Variants in HINT1 observed in about 807,000 individuals in gnomAD.
HINT1 encodes the protein histidine triad nucleotide binding protein 1.
HINT1 carries 12 observed loss-of-function variants against 11.2 expected under a neutral mutation model. The ratio of observed to expected loss-of-function variants is 1.07; its 90% CI spans 0.69 to 1.74. The LOEUF (loss-of-function observed/expected upper bound fraction) is 1.74. Among genes scored for constraint, HINT1 ranks in the 40% most tolerant of loss-of-function variants. The pLI is 0.00. For missense variants in HINT1, 150 were observed against 161.8 expected, an observed-to-expected ratio of 0.93 and a Z score of 0.40; for synonymous variants, 42 against 52.6, an observed-to-expected ratio of 0.80 and a Z score of 0.87.
At chr5:131,163,581 C>A (rs1755310487) in intron 1 of HINT1, among the ~76,000 whole-genome samples, 1 of 151,790 alleles carries the variant, frequency 6.6e-6, no homozygotes, top group African/African-American at 2.4e-5. Context: ...TGTGCAATTT[C>A]CTGGTTTTTT....
At chr5:131,164,658 T>G (rs1222449979) in intron 1 of HINT1, among the ~76,000 whole-genome samples, 3 of 152,110 alleles carry the variant, frequency 2.0e-5, no homozygotes, top group Admixed American at 1.3e-4. Context: ...AGGCCGGCTG[T>G]GCGCGGGAGA....
At chr5:131,161,527 A>C (rs1755247143) in intron 2 of HINT1, among the ~76,000 whole-genome samples, 1 of 151,486 alleles carries the variant, frequency 6.6e-6, no homozygotes, top group Non-Finnish European at 1.5e-5. Context: ...CCCAGGAGGC[A>C]GAGGTTGCGG....
At chr5:131,163,057 G>A (rs1012569356) in intron 1 of HINT1, among the ~76,000 whole-genome samples, 5 of 151,830 alleles carry the variant, frequency 3.3e-5, no homozygotes, top group African/African-American at 1.2e-4. Flanking sequence ...GGCTGGTCTC[G>A]AACTCCTGAC....
intron 1 of HINT1, among the ~76,000 whole-genome samples, chr5:131,163,771 A>G (rs545042076): frequency 1.3e-5 from 2 of 152,330 alleles, no homozygotes; most frequent in East Asian, 3.9e-4. Context: ...GTGTCTGTAA[A>G]TACACATATG....
At chr5:131,162,477 C>T in intron 2 of HINT1, 95 bp downstream of exon 2, 2 of 1,571,396 alleles carry the variant, frequency 1.3e-6, no homozygotes, top group Non-Finnish European at 1.7e-6. Flanking sequence ...TTAGTAATGA[C>T]CTTAGGAAGA....
intron 2 of HINT1, chr5:131,160,672 G>C: frequency 1.7e-6 from 2 of 1,203,060 alleles, no homozygotes; most frequent in Non-Finnish European, 2.1e-6. Flanking sequence ...CATGCAGTAA[G>C]GTCCATTGTA....
intron 2 of HINT1, among the ~76,000 whole-genome samples, chr5:131,161,856 T>C (rs1386390573): frequency 6.6e-6 from 1 of 152,190 alleles, no homozygotes; most frequent in Non-Finnish European, 1.5e-5. Flanking sequence ...CAAATTTTCT[T>C]CTGCCTCTGC....
At chr5:131,162,510 G>A (rs1380395584) in intron 2 of HINT1, 62 bp downstream of exon 2, 2 of 1,605,234 alleles carry the variant, frequency 1.2e-6, no homozygotes, top group Non-Finnish European at 8.5e-7. Context: ...AGCACTTTAA[G>A]GACAAAATTA....
chr5:131,159,354 T>A lies in HINT1; in HGVS notation c.*93A>T, dbSNP rs181192093. 4 of 1,135,248 alleles carry A rather than the reference T, an allele frequency of 3.5e-6. No homozygotes were observed. The highest frequency in any genetic ancestry group is 3.0e-4 in the Middle Eastern group (1 of 3,284). The allele number at this position is 1,135,248 out of a possible 1,614,324, so 70.3% of individuals were successfully genotyped here. A position where few individuals can be genotyped will look rare whatever the true frequency, so the allele number is the denominator to read the frequency against. On this transcript the variant is annotated 3_prime_UTR_variant, in exon 3 of 3. Transcript: ENST00000304043. Reference sequence around the variant, plus strand: ...TAAAATTATTTCTTGAATCTCTCCATACACAGGCAAAAATAAGTGTGTTAC... The same window carrying A: ...TAAAATTATTTCTTGAATCTCTCCAAACACAGGCAAAAATAAGTGTGTTAC...
At chr5:131,160,262 A>G (rs1366603523) in intron 2 of HINT1, among the ~76,000 whole-genome samples, 3 of 152,120 alleles carry the variant, frequency 2.0e-5, no homozygotes, top group African/African-American at 4.8e-5. Flanking sequence ...TTTCCTTTGA[A>G]CACTACCAGA....
intron 1 of HINT1, among the ~76,000 whole-genome samples, chr5:131,163,437 G>A (rs1226187789): frequency 6.6e-6 from 1 of 151,888 alleles, no homozygotes; most frequent in Non-Finnish European, 1.5e-5. Flanking sequence ...CCCAACTTCC[G>A]TCTAATTTAA....
Position 131,164,887 on chromosome 5 carries a change from C to G in HINT1, c.111+208G>C, listed in dbSNP as rs143635723. Among the ~76,000 whole-genome samples the G allele has an allele frequency of 0.014, 2,149 of 151,742 alleles. 50 individuals carry two copies. Among genetic ancestry groups the G allele is most frequent in the African/African-American group, 0.05 (2,073 of 41,418 alleles). On this transcript the variant is annotated intron_variant, in intron 1 of 2. Transcript: ENST00000304043. ...CCTGGCCCGCGCCCGGGGCAGATAA[C>G]GAGTAACCGGAGCGCCGGCACGCGC... is the stretch of plus-strand genomic sequence containing the variant.
At chr5:131,161,446 A>C (rs1241492337) in intron 2 of HINT1, among the ~76,000 whole-genome samples, 1 of 152,056 alleles carries the variant, frequency 6.6e-6, no homozygotes, top group African/African-American at 2.4e-5. Flanking sequence ...TCTACTAAAA[A>C]TACAAATAAG....
At chr5:131,161,002 A>G in intron 2 of HINT1, 2 of 318,218 alleles carry the variant, frequency 6.3e-6, no homozygotes, top group East Asian at 1.7e-4. Context: ...TTTTCAACTT[A>G]TGATGGGTTT....
chr5:131,161,531 G>A (rs979089899), intron 2 of HINT1, among the ~76,000 whole-genome samples: 5 of 151,004 alleles, frequency 3.3e-5, no homozygotes, highest in Non-Finnish European at 5.9e-5. Context: ...GGAGGCAGAG[G>A]TTGCGGTGAG....
chr5:131,162,724 G>C (rs1220335863), intron 1 of HINT1, 48 bp from the exon 2 acceptor site: 1 of 1,272,844 alleles, frequency 7.9e-7, no homozygotes, highest in East Asian at 2.4e-5. Flanking sequence ...TAGTATATTG[G>C]TAGGATAAAA....
intron 1 of HINT1, among the ~76,000 whole-genome samples, chr5:131,162,973 GATTACAGGCACGTGCC>G (rs2149653386): frequency 6.6e-6 from 1 of 152,252 alleles, no homozygotes; most frequent in African/African-American, 2.4e-5. Flanking sequence ...AAGTAGCTGG[GATTACAGGCACGTGCC>G]ATCATGCCCA....
Position 131,159,325 on chromosome 5 carries a change from GT to G in HINT1, c.*121del. On this transcript the variant is annotated 3_prime_UTR_variant, in exon 3 of 3. Transcript: ENST00000304043. Reference sequence around the variant, plus strand: ...AACAATGTCTTTTATTATGTATGCGGTTTTAAAATTATTTCTTGAATCTCTC... The same window carrying G: ...AACAATGTCTTTTATTATGTATGCGGTTTAAAATTATTTCTTGAATCTCTC... 1 of 747,770 alleles carries G rather than the reference GT, an allele frequency of 1.3e-6. No homozygotes were observed. Among genetic ancestry groups the G allele is most frequent in the Non-Finnish European group, 2.1e-6 (1 of 467,152 alleles). The allele number at this position is 747,770 out of a possible 1,614,324, so 46.3% of individuals were successfully genotyped here.
intron 2 of HINT1, chr5:131,162,195 G>C: frequency 1.9e-6 from 1 of 523,136 alleles, no homozygotes; most frequent in Middle Eastern, 5.0e-4. Context: ...TTGGTGGCGG[G>C]CGCCTGTTGT....
Sources: gnomAD v4.1 joint callset for allele counts (sites outside exome capture counted in the v4.1 genomes callset) on GRCh38, gnomAD v4.1.1 for gene constraint, MANE v1.5 for transcripts, NCBI Gene and HGNC (gene_info 2026-07-23, HGNC 2026-07-21) for gene names.